Variants in RUNX1 observed in about 807,000 individuals in gnomAD.
The protein encoded by RUNX1 is runt-related transcription factor 1.
In RUNX1, 19 loss-of-function variants were observed where a neutral mutation model predicts 42.8. That is an observed-to-expected ratio of 0.44 (90% CI 0.31 to 0.65). The LOEUF is 0.65. RUNX1 is among the 30% of genes least tolerant of loss of function. The pLI is 0.07. For synonymous variants in RUNX1, 271 were observed against 289.4 expected, an observed-to-expected ratio of 0.94 and a Z score of 0.64; for missense variants, 528 against 672.0, an observed-to-expected ratio of 0.79 and a Z score of 2.37.
intron 2 of RUNX1, among the ~76,000 whole-genome samples, chr21:35,044,116 G>A (rs1464264759): frequency 1.3e-5 from 2 of 152,176 alleles, no homozygotes; most frequent in African/African-American, 4.8e-5. Context: ...TTTCCACAAG[G>A]GAAGGAAGGC....
chr21:34,944,925 C>T (rs1306516665), intron 2 of RUNX1, among the ~76,000 whole-genome samples: 1 of 152,192 alleles, frequency 6.6e-6, no homozygotes, highest in Non-Finnish European at 1.5e-5. Flanking sequence ...GTTGTTAGAA[C>T]ATCAAAGCAC....
Position 34,799,309 on chromosome 21 carries a change from C to G in RUNX1, c.959G>C (p.Arg320Pro), listed in dbSNP as rs761688033. The change falls in exon 8 of 9, where the codon CGA becomes CCA. Residue 320 changes from arginine (R) to proline (P), a missense_variant. This residue lies in a region of RUNX1 where 331 missense variants were observed against 382.5 expected (regional missense o/e 0.87). Transcript: ENST00000675419. The part of the protein sequence containing the change: ...MTTLSAELSS[R>P]LSTAPDLTAF... The stretch of plus-strand genomic sequence containing the variant: ...GTTTTCAAGTGGCTTACTTGAGAGT[C>G]GACTGGAAAGTTCTGCAGAGAGGGT... The G allele has an allele frequency of 6.2e-7, 1 of 1,614,120 alleles. No individual in the cohort carries two copies. Among genetic ancestry groups the G allele is most frequent in the African/African-American group, 1.3e-5 (1 of 75,034 alleles).
chr21:35,046,484 G>T (rs560202492), intron 2 of RUNX1, among the ~76,000 whole-genome samples: 6 of 152,310 alleles, frequency 3.9e-5, no homozygotes, highest in Admixed American at 6.5e-5. Context: ...TAAATTATAG[G>T]CAGCCAGAAG....
At chr21:35,025,905 A>G (rs1469436838) in intron 2 of RUNX1, among the ~76,000 whole-genome samples, 1 of 152,158 alleles carries the variant, frequency 6.6e-6, no homozygotes, top group Non-Finnish European at 1.5e-5. Context: ...CTTGCTCGTT[A>G]TGAACACAGG....
Position 34,848,723 on chromosome 21 carries a change from C to A in RUNX1, c.613+10751G>T, listed in dbSNP as rs113210300. 2.6e-5 allele frequency among the ~76,000 whole-genome samples: 4 copies of A among 152,194 alleles called. No homozygotes were observed. In the East Asian group the frequency reaches 5.8e-4, roughly 22 times the overall value. On this transcript the variant is annotated intron_variant, in intron 6 of 8. Coordinates refer to ENST00000675419, the MANE Select transcript of RUNX1 (RefSeq NM_001754.5). ...GTGCTGGGATTACAGGCGTGAGCTA[C>A]CGCGCCCAGCCCCCTGGTTCACTTT...
At chr21:34,913,094 T>G (rs547277977) in intron 2 of RUNX1, among the ~76,000 whole-genome samples, 1 of 152,096 alleles carries the variant, frequency 6.6e-6, no homozygotes, top group East Asian at 1.9e-4. Context: ...TAGCTGGGGG[T>G]GGTGGTGGGC....
At chr21:34,850,493 A>C (rs1484285932) in intron 6 of RUNX1, among the ~76,000 whole-genome samples, 1 of 152,170 alleles carries the variant, frequency 6.6e-6, no homozygotes, top group Non-Finnish European at 1.5e-5. Context: ...CACCTGCTAC[A>C]TTACACGTCA....
intron 2 of RUNX1, among the ~76,000 whole-genome samples, chr21:35,047,495 C>G (rs2059404738): frequency 6.8e-6 from 1 of 146,608 alleles, no homozygotes; most frequent in Non-Finnish European, 1.5e-5. Context: ...TTCTCTTTAA[C>G]TTCTCTCTTG....
At chr21:34,859,330 T>C (rs1165500333) in intron 6 of RUNX1, 144 bp downstream of exon 6, 9 of 703,998 alleles carry the variant, frequency 1.3e-5, no homozygotes, top group East Asian at 1.0e-4. Context: ...GTATTGACAA[T>C]GCAACTTTTT....
At chr21:35,015,865 G>A (rs1199926913) in intron 2 of RUNX1, among the ~76,000 whole-genome samples, 1 of 152,178 alleles carries the variant, frequency 6.6e-6, no homozygotes, top group African/African-American at 2.4e-5. Context: ...GTTAATGACA[G>A]GGCAGAGAGT....
chr21:34,893,799 A>G (rs2058106818), intron 2 of RUNX1, among the ~76,000 whole-genome samples: 1 of 151,736 alleles, frequency 6.6e-6, no homozygotes, highest in Non-Finnish European at 1.5e-5. Flanking sequence ...AAAACCTTTA[A>G]AATAAGAGGA....
intron 6 of RUNX1, among the ~76,000 whole-genome samples, chr21:34,853,373 T>C (rs1316467876): frequency 6.6e-6 from 1 of 152,152 alleles, no homozygotes; most frequent in Non-Finnish European, 1.5e-5. Context: ...TGAAGAAAAC[T>C]GTATGTGACC....
intron 2 of RUNX1, among the ~76,000 whole-genome samples, chr21:35,041,852 T>C (rs976111883): frequency 6.6e-6 from 1 of 152,166 alleles, no homozygotes; most frequent in Non-Finnish European, 1.5e-5. Flanking sequence ...CATATTTCTA[T>C]CAGAGATAAA....
intron 6 of RUNX1, among the ~76,000 whole-genome samples, chr21:34,853,898 C>T (rs912336497): frequency 3.4e-4 from 52 of 151,726 alleles, no homozygotes; most frequent in African/African-American, 1.2e-3. Context: ...CTGCAACTTC[C>T]GCCTCCTGGG....
chr21:35,028,118 T>G (rs948878783), intron 2 of RUNX1, among the ~76,000 whole-genome samples: 14 of 152,228 alleles, frequency 9.2e-5, no homozygotes, highest in African/African-American at 3.4e-4. Flanking sequence ...GCCTGAAGTT[T>G]CCTGAAGATT....
At chr21:35,011,762 A>T (rs896471137) in intron 2 of RUNX1, among the ~76,000 whole-genome samples, 15 of 152,322 alleles carry the variant, frequency 9.8e-5, no homozygotes, top group Non-Finnish European at 1.8e-4. Flanking sequence ...ATTTTGTTTT[A>T]AAGTATAGTA....
At chr21:35,020,046 G>C (rs1184005087) in intron 2 of RUNX1, among the ~76,000 whole-genome samples, 1 of 151,972 alleles carries the variant, frequency 6.6e-6, no homozygotes, top group African/African-American at 2.4e-5. Context: ...CCCAATTCCA[G>C]ATATTTCAAA....
intron 1 of RUNX1, 21 bp from the exon 2 acceptor site, chr21:35,048,979 C>T: frequency 8.1e-7 from 1 of 1,237,362 alleles, no homozygotes; most frequent in Non-Finnish European, 1.2e-6. Flanking sequence ...AAAACCAAGA[C>T]AGGTCACTGT....
At chr21:34,844,139 C>T (rs781695338) in intron 6 of RUNX1, among the ~76,000 whole-genome samples, 8 of 152,192 alleles carry the variant, frequency 5.3e-5, no homozygotes, top group Admixed American at 1.3e-4. Flanking sequence ...CCACCAGTGA[C>T]ATGGATTTGT....
Sources: gnomAD v4.1 joint callset for allele counts (sites outside exome capture counted in the v4.1 genomes callset) on GRCh38, gnomAD v4.1.1 for gene constraint, gnomAD v4.1.1 regional missense constraint, MANE v1.5 for transcripts, NCBI Gene and HGNC (gene_info 2026-07-23, HGNC 2026-07-21) for gene names.